PCDH11X: variants seen among roughly 807,000 people sequenced by gnomAD.
PCDH11X encodes the protein protocadherin-11 X-linked.
Under a neutral mutation model 53.3 loss-of-function variants are expected in PCDH11X, and 18 were observed. That is an observed-to-expected ratio of 0.34 (90% confidence interval 0.23 to 0.50). PCDH11X has a LOEUF of 0.50. PCDH11X is among the 20% of genes least tolerant of loss of function. PCDH11X has a pLI of 0.98. For missense variants in PCDH11X, 570 were observed against 1,032.4 expected (o/e 0.55, Z 6.14); for synonymous variants, 279 against 393.3 (o/e 0.71, Z 3.44).
At chrX:92,286,102 C>G (rs1207131596) in intron 8 of PCDH11X, among the ~76,000 whole-genome samples, 2 of 110,587 alleles carry the variant, frequency 1.8e-5, no homozygotes, top group Non-Finnish European at 3.8e-5. Context: ...GGCATCATGG[C>G]CATCACGAAT....
intron 9 of PCDH11X, among the ~76,000 whole-genome samples, chrX:92,432,966 G>C (rs1465091214): frequency 9.0e-6 from 1 of 110,722 alleles, no homozygotes; most frequent in African/African-American, 3.3e-5. Flanking sequence ...AAGTCATGTT[G>C]TATTACTCCA....
intron 1 of PCDH11X, among the ~76,000 whole-genome samples, chrX:91,806,215 T>C (rs1446250824): frequency 3.5e-5 from 4 of 114,046 alleles, no homozygotes; most frequent in Non-Finnish European, 7.5e-5. Flanking sequence ...TAAAACTTGC[T>C]AGAATAAAAA....
At chrX:92,298,657 G>A (rs539112900) in intron 8 of PCDH11X, among the ~76,000 whole-genome samples, 4 of 111,025 alleles carry the variant, frequency 3.6e-5, no homozygotes, top group South Asian at 3.8e-4. Flanking sequence ...TATTGGCCTC[G>A]TAGAATGAGT....
At chrX:91,827,358 C>T (rs1207818909) in intron 4 of PCDH11X, among the ~76,000 whole-genome samples, 1 of 111,247 alleles carries the variant, frequency 9.0e-6, no homozygotes, top group African/African-American at 3.3e-5. Flanking sequence ...GATATTAGAC[C>T]TTTGTCAGAT....
At chrX:92,251,121 G>A (rs1384578547) in intron 7 of PCDH11X, among the ~76,000 whole-genome samples, 3 of 110,491 alleles carry the variant, frequency 2.7e-5, no homozygotes, top group East Asian at 2.8e-4. Flanking sequence ...TGCACTTTAC[G>A]AATATTCTGA....
chrX:92,254,836 G>T (rs185908020), intron 7 of PCDH11X, among the ~76,000 whole-genome samples: 3 of 109,563 alleles, frequency 2.7e-5, no homozygotes, highest in African/African-American at 1.0e-4. Context: ...GCTTCCCTTT[G>T]AGGGTAACCT....
At chrX:92,061,188 G>A (rs2063518522) in intron 6 of PCDH11X, among the ~76,000 whole-genome samples, 2 of 110,675 alleles carry the variant, frequency 1.8e-5, no homozygotes, top group Non-Finnish European at 1.9e-5. Context: ...TTTGATTTTT[G>A]CTCATTAATT....
intron 6 of PCDH11X, among the ~76,000 whole-genome samples, chrX:92,008,253 C>A (rs1044725619): frequency 2.7e-5 from 3 of 110,634 alleles, no homozygotes; most frequent in African/African-American, 6.6e-5. Flanking sequence ...GCCTAGACAG[C>A]CTTTCAAGTT....
At chrX:91,930,586 T>G (rs1345725609) in intron 6 of PCDH11X, among the ~76,000 whole-genome samples, 1 of 81,670 alleles carries the variant, frequency 1.2e-5, no homozygotes, top group African/African-American at 4.0e-5. Flanking sequence ...TGTTTCTTTC[T>G]CAGAAAAAAA....
intron 10 of PCDH11X, among the ~76,000 whole-genome samples, chrX:92,601,895 G>T (rs983964846): frequency 9.0e-6 from 1 of 111,377 alleles, no homozygotes; most frequent in African/African-American, 3.3e-5. Flanking sequence ...CAGGCTTCCA[G>T]GATTTCTAAC....
chrX:92,243,914 G>A (rs1034187526), intron 7 of PCDH11X, among the ~76,000 whole-genome samples: 8 of 111,401 alleles, frequency 7.2e-5, no homozygotes, highest in African/African-American at 2.0e-4. Context: ...TAAAATTCCT[G>A]TAATCACTTA....
In PCDH11X at chrX:92,562,393, T is replaced by C. The variant is rs5941099; in HGVS notation, c.3368-55871T>C. Among the ~76,000 whole-genome samples, 640 of 97,198 alleles carry C rather than the reference T, an allele frequency of 6.6e-3. 18 individuals are homozygous for C. In the East Asian group the frequency reaches 0.072, roughly 11 times the overall value. The allele number at this position is 97,198 out of a possible 115,157, so 84.4% of individuals were successfully genotyped here. ...CTGGCCTCTCCCAAATCTCATCTTC[T>C]TCTAACATTTCAAAATGCAATCACG... On this transcript the variant is annotated intron_variant, in intron 10 of 10. Coordinates refer to ENST00000682573, the MANE Select transcript of PCDH11X (RefSeq NM_032968.5).
At chrX:92,008,285 A>G (rs2062634514) in intron 6 of PCDH11X, among the ~76,000 whole-genome samples, 1 of 110,654 alleles carries the variant, frequency 9.0e-6, no homozygotes, top group Non-Finnish European at 1.9e-5. Flanking sequence ...AGAGTGTGGT[A>G]GCCTTTGATG....
intron 10 of PCDH11X, among the ~76,000 whole-genome samples, chrX:92,485,059 A>G (rs1193328853): frequency 1.8e-5 from 2 of 110,627 alleles, no homozygotes; most frequent in East Asian, 2.8e-4. Flanking sequence ...TTGTATTTAC[A>G]TATAAAATGA....
intron 8 of PCDH11X, among the ~76,000 whole-genome samples, chrX:92,375,629 CTTTG>C (rs747443098): frequency 1.8e-5 from 2 of 108,288 alleles, no homozygotes; most frequent in African/African-American, 3.4e-5. Context: ...TTTGTTGTTT[CTTTG>C]TTTGTTTTTG....
At chrX:92,545,023 A>G (rs915150950) in intron 10 of PCDH11X, among the ~76,000 whole-genome samples, 23 of 111,299 alleles carry the variant, frequency 2.1e-4, no homozygotes, top group Admixed American at 1.9e-3. Flanking sequence ...CAGAAAGTCT[A>G]TTCAGTAGGG....
At chrX:92,069,079 C>T (rs972500805) in intron 6 of PCDH11X, among the ~76,000 whole-genome samples, 15 of 109,478 alleles carry the variant, frequency 1.4e-4, no homozygotes, top group African/African-American at 5.0e-4. Context: ...GGGGTGAAGT[C>T]TCTAACTATT....
intron 6 of PCDH11X, among the ~76,000 whole-genome samples, chrX:91,976,605 CTTAACTTG>C (rs2043525548): frequency 8.9e-6 from 1 of 111,823 alleles, no homozygotes; most frequent in Non-Finnish European, 1.9e-5. Context: ...GACCAAGACT[CTTAACTTG>C]TCACTCAGCC....
chrX:92,012,755 A>T (rs2062714356), intron 6 of PCDH11X, among the ~76,000 whole-genome samples: 6 of 111,624 alleles, frequency 5.4e-5, no homozygotes. Flanking sequence ...TGCTCCAGAG[A>T]TATTGTGGGT....
Sources: allele counts gnomAD v4.1 joint callset (sites outside exome capture counted in the v4.1 genomes callset), GRCh38; gene constraint gnomAD v4.1.1; transcripts MANE v1.5; gene names NCBI Gene and HGNC (gene_info 2026-07-23, HGNC 2026-07-21).